GSG1L: variants seen among roughly 807,000 people sequenced by gnomAD.
The protein encoded by GSG1L is GSG1 like.
GSG1L carries 24 observed loss-of-function variants against 42.1 expected under a neutral mutation model. The observed-to-expected ratio is 0.57, with a 90% CI of 0.41 to 0.80. The LOEUF is 0.80. Ranked by LOEUF, GSG1L falls within the 30% of genes least tolerant of loss-of-function variation. The pLI is 0.00. For synonymous variants in GSG1L, 215 were observed against 203.5 expected (o/e 1.06, Z -0.48); for missense variants, 445 against 472.2 (o/e 0.94, Z 0.53).
chr16:27,910,761 G>A (rs1186008036), intron 2 of GSG1L, among the ~76,000 whole-genome samples: 2 of 152,122 alleles, frequency 1.3e-5, no homozygotes, highest in South Asian at 2.1e-4. Context: ...CACCTGTAAC[G>A]CCAGCACTTT....
At chr16:27,946,624 AG>A (rs2084870656) in intron 2 of GSG1L, among the ~76,000 whole-genome samples, 20 of 23,880 alleles carry the variant, frequency 8.4e-4, no homozygotes, top group South Asian at 6.4e-3. Flanking sequence ...AGAGAGAGAG[AG>A]AGAGAGAAAG....
At chr16:27,925,737 G>A (rs902374214) in intron 2 of GSG1L, among the ~76,000 whole-genome samples, 1 of 152,166 alleles carries the variant, frequency 6.6e-6, no homozygotes, top group African/African-American at 2.4e-5. Flanking sequence ...GTGCCTTCAC[G>A]TTAGGACAGG....
chr16:28,002,929 C>T (rs1298642564), intron 1 of GSG1L, among the ~76,000 whole-genome samples: 1 of 150,682 alleles, frequency 6.6e-6, no homozygotes, highest in African/African-American at 2.5e-5. Context: ...GAGCGAGACT[C>T]CGTCTCAGAA....
intron 3 of GSG1L, among the ~76,000 whole-genome samples, chr16:27,849,677 C>T (rs1470968395): frequency 6.6e-6 from 1 of 152,000 alleles, no homozygotes; most frequent in African/African-American, 2.4e-5. Context: ...TGCATGCCAC[C>T]ACACTTGGCT....
chr16:28,016,937 T>A (rs1257096000), intron 1 of GSG1L, among the ~76,000 whole-genome samples: 1 of 152,178 alleles, frequency 6.6e-6, no homozygotes, highest in Non-Finnish European at 1.5e-5. Context: ...AATGTGCAAC[T>A]CTGAGAATCC....
chr16:27,921,576 A>C (rs763676380), intron 2 of GSG1L, among the ~76,000 whole-genome samples: 3 of 152,196 alleles, frequency 2.0e-5, no homozygotes, highest in Non-Finnish European at 4.4e-5. Context: ...TGCAAGGCAC[A>C]TTCATGTGCC....
intron 3 of GSG1L, among the ~76,000 whole-genome samples, chr16:27,846,523 A>G (rs1378531211): frequency 1.3e-5 from 2 of 152,266 alleles, no homozygotes; most frequent in African/African-American, 4.8e-5. Flanking sequence ...TTAGAAAAGC[A>G]TTGATTCCTA....
At chr16:27,924,522 G>T (rs2084569064) in intron 2 of GSG1L, among the ~76,000 whole-genome samples, 1 of 152,138 alleles carries the variant, frequency 6.6e-6, no homozygotes, top group Admixed American at 6.5e-5. Flanking sequence ...TAAATGCTGT[G>T]TCATGTGGCC....
At chr16:27,810,028 A>G (rs1424418843) in intron 5 of GSG1L, among the ~76,000 whole-genome samples, 1 of 152,156 alleles carries the variant, frequency 6.6e-6, no homozygotes, top group Admixed American at 6.5e-5. Flanking sequence ...ATAATCACCA[A>G]TCATTCATTC....
chr16:27,790,721 A>T lies in GSG1L; in HGVS notation c.*649T>A, dbSNP rs9925961. 0.059 allele frequency: 8,995 copies of T among 152,670 alleles called. 319 individuals carry two copies. The highest frequency in any genetic ancestry group is 0.096 in the African/African-American group (3,969 of 41,542). 9.5% of individuals were successfully genotyped at this position (152,670 alleles called of 1,614,324 possible). A position where few individuals can be genotyped will look rare whatever the true frequency, so the allele number is the denominator to read the frequency against. On this transcript the variant is annotated 3_prime_UTR_variant, in exon 7 of 7. Coordinates refer to ENST00000447459, the MANE Select transcript of GSG1L (RefSeq NM_001109763.2). ...CTCTGGAATACAAGGCAGCCCTGCC[A>T]GCCTGTGTCCAGCCTGGGCTCTGTG...
chr16:27,841,589 CAT>C (rs1028916744), intron 4 of GSG1L, among the ~76,000 whole-genome samples: 1 of 152,114 alleles, frequency 6.6e-6, no homozygotes, highest in Non-Finnish European at 1.5e-5. Context: ...TGGCCTCACA[CAT>C]ATTAAACAAG....
At position 27,789,373 on chromosome 16, in the gene GSG1L, T is replaced by C. The variant is rs188695631; in HGVS notation, c.*1997A>G. The C allele has an allele frequency of 1.0e-4, 15 of 150,352 alleles. No individual in the cohort carries two copies. Among genetic ancestry groups the C allele is most frequent in the African/African-American group, 3.2e-4 (13 of 40,906 alleles). 9.3% of individuals were successfully genotyped at this position (150,352 alleles called of 1,614,324 possible). On this transcript the variant is annotated 3_prime_UTR_variant, in exon 7 of 7. Transcript: ENST00000447459. ...AATGGATGGATGGATGGTTGATGGATAATGGGCAGATGGAGGGATGAATGG... is the reference window on the plus strand; with the variant it reads ...AATGGATGGATGGATGGTTGATGGACAATGGGCAGATGGAGGGATGAATGG...
intron 2 of GSG1L, among the ~76,000 whole-genome samples, chr16:27,919,573 AG>A (rs1220251244): frequency 2.0e-5 from 3 of 152,236 alleles, no homozygotes; most frequent in African/African-American, 7.2e-5. Context: ...CAGCAAATGC[AG>A]CAGAACATCT....
chr16:27,842,329 T>C (rs1227298203), intron 4 of GSG1L, among the ~76,000 whole-genome samples: 1 of 152,184 alleles, frequency 6.6e-6, no homozygotes, highest in Non-Finnish European at 1.5e-5. Context: ...ACCCATCTTC[T>C]CAGAGAGGCT....
intron 2 of GSG1L, among the ~76,000 whole-genome samples, chr16:27,954,671 T>G (rs1436724809): frequency 6.6e-6 from 1 of 152,166 alleles, no homozygotes; most frequent in Non-Finnish European, 1.5e-5. Context: ...ATTTTGTTTT[T>G]GAGACAGGGT....
chr16:27,985,511 G>A (rs1209898011), intron 1 of GSG1L, among the ~76,000 whole-genome samples: 3 of 152,120 alleles, frequency 2.0e-5, no homozygotes, highest in Non-Finnish European at 4.4e-5. Flanking sequence ...CGCTCAGCCT[G>A]CAGAACCATG....
chr16:27,974,195 G>A (rs1294469285), intron 1 of GSG1L, among the ~76,000 whole-genome samples: 1 of 152,134 alleles, frequency 6.6e-6, no homozygotes, highest in Admixed American at 6.5e-5. Context: ...AAGAAAGGGG[G>A]GCCATCAGAT....
chr16:27,807,466 A>G, intron 6 of GSG1L, 21 bp downstream of exon 6: 1 of 1,604,694 alleles, frequency 6.2e-7, no homozygotes, highest in South Asian at 1.1e-5. Flanking sequence ...CGTAGCAGAT[A>G]CCCACAAACA....
chr16:27,940,931 T>A (rs1210784075), intron 2 of GSG1L, among the ~76,000 whole-genome samples: 1 of 151,954 alleles, frequency 6.6e-6, no homozygotes, highest in Admixed American at 6.6e-5. Context: ...AAGAGAAGGA[T>A]GGATAAATTT....
Sources: gnomAD v4.1 joint callset for allele counts (sites outside exome capture counted in the v4.1 genomes callset) on GRCh38, gnomAD v4.1.1 for gene constraint, MANE v1.5 for transcripts, NCBI Gene and HGNC (gene_info 2026-07-23, HGNC 2026-07-21) for gene names.